The following KIAA1217 variants were observed in gnomAD, a reference collection of about 807,000 sequenced individuals.
The protein encoded by KIAA1217 is KIAA1217, also known as sickle tail protein homolog.
KIAA1217 carries 88 observed loss-of-function variants against 163.9 expected under a neutral mutation model. That is an observed-to-expected ratio of 0.54 (90% confidence interval 0.45 to 0.64). KIAA1217 has a LOEUF of 0.64. Among genes scored for constraint, KIAA1217 ranks in the 30% least tolerant of loss-of-function variants. The pLI is 0.00. For missense variants in KIAA1217, 2,372 were observed against 2,475.0 expected, an observed-to-expected ratio of 0.96 and a Z score of 0.88; for synonymous variants, 903 against 923.1, an observed-to-expected ratio of 0.98 and a Z score of 0.39.
chr10:24,508,454 C>T (rs1404703944), intron 9 of KIAA1217, among the ~76,000 whole-genome samples: 1 of 152,168 alleles, frequency 6.6e-6, no homozygotes, highest in East Asian at 1.9e-4. Flanking sequence ...CCTACTCTGA[C>T]ATCTGTTTAA....
chr10:24,347,488 C>T (rs763035813), intron 2 of KIAA1217, among the ~76,000 whole-genome samples: 11 of 152,256 alleles, frequency 7.2e-5, no homozygotes, highest in African/African-American at 1.2e-4. Context: ...GTATTACAAA[C>T]GTGCCAGCTT....
chr10:24,406,931 T>C (rs556482574), intron 3 of KIAA1217, among the ~76,000 whole-genome samples: 1 of 152,272 alleles, frequency 6.6e-6, no homozygotes, highest in South Asian at 2.1e-4. Flanking sequence ...AACTCTTTCA[T>C]AATAGTTTCA....
intron 8 of KIAA1217, 83 bp downstream of exon 8, chr10:24,495,279 TCC>T: frequency 4.5e-6 from 5 of 1,100,526 alleles, no homozygotes; most frequent in South Asian, 1.4e-5. Flanking sequence ...GTTTAACATT[TCC>T]CTAAGTCACG....
chr10:24,421,074 G>C (rs1233483557), intron 3 of KIAA1217, among the ~76,000 whole-genome samples: 1 of 152,102 alleles, frequency 6.6e-6, no homozygotes, highest in Non-Finnish European at 1.5e-5. Flanking sequence ...GTGTGATCTT[G>C]GCTCGTTGCC....
intron 1 of KIAA1217, among the ~76,000 whole-genome samples, chr10:23,933,072 A>G (rs1843323938): frequency 6.6e-6 from 1 of 152,186 alleles, no homozygotes; most frequent in South Asian, 2.1e-4. Flanking sequence ...GCATCACAAC[A>G]TTGCTGCTGA....
intron 5 of KIAA1217, among the ~76,000 whole-genome samples, chr10:24,454,643 G>C (rs2061630226): frequency 2.0e-5 from 3 of 152,156 alleles, no homozygotes; most frequent in African/African-American, 4.8e-5. Context: ...GGGTCTGATA[G>C]CTTCGTCTAG....
chr10:24,000,403 T>A (rs1241167851), intron 1 of KIAA1217, among the ~76,000 whole-genome samples: 1 of 152,204 alleles, frequency 6.6e-6, no homozygotes, highest in Non-Finnish European at 1.5e-5. Context: ...TTCTCCTTGC[T>A]GCCACCATGT....
intron 1 of KIAA1217, among the ~76,000 whole-genome samples, chr10:23,876,561 A>G (rs775799605): frequency 7.9e-5 from 12 of 151,978 alleles, no homozygotes; most frequent in Non-Finnish European, 1.3e-4. Context: ...GATATAAAGC[A>G]TGATTTATGA....
chr10:24,077,359 G>A (rs1418535433), intron 2 of KIAA1217, among the ~76,000 whole-genome samples: 1 of 151,964 alleles, frequency 6.6e-6, no homozygotes, highest in Non-Finnish European at 1.5e-5. Context: ...CCTCAAACAG[G>A]CCCCAGTGTG....
chr10:24,147,859 A>AAAAAAAAAAAAAAAAAAAG (rs1564755545), intron 2 of KIAA1217, among the ~76,000 whole-genome samples: 4 of 146,022 alleles, frequency 2.7e-5, no homozygotes, highest in African/African-American at 1.0e-4. Context: ...AAAAAAAAAA[A>AAAAAAAAAAAAAAAAAAAG]AAAGAAAGAA....
intron 1 of KIAA1217, among the ~76,000 whole-genome samples, chr10:23,832,034 C>T (rs956732606): frequency 1.3e-5 from 2 of 152,184 alleles, no homozygotes; most frequent in Non-Finnish European, 2.9e-5. Context: ...GGGTATCCTA[C>T]AATTCCATTC....
chr10:24,168,059 A>T (rs2065442041), intron 2 of KIAA1217, among the ~76,000 whole-genome samples: 1 of 152,214 alleles, frequency 6.6e-6, no homozygotes, highest in Non-Finnish European at 1.5e-5. Context: ...CATATGAACC[A>T]TGACCTCTGT....
intron 1 of KIAA1217, among the ~76,000 whole-genome samples, chr10:23,824,365 C>G (rs1029976611): frequency 6.6e-6 from 1 of 151,596 alleles, no homozygotes; most frequent in African/African-American, 2.4e-5. Flanking sequence ...CGCGGTGGCT[C>G]ACGCCTGTAA....
intron 1 of KIAA1217, among the ~76,000 whole-genome samples, chr10:23,973,766 A>C (rs1403084520): frequency 1.3e-5 from 2 of 152,136 alleles, no homozygotes; most frequent in African/African-American, 4.8e-5. Context: ...CTCTCAAATC[A>C]GATTTCACAT....
At chr10:23,972,429 G>C (rs556242218) in intron 1 of KIAA1217, among the ~76,000 whole-genome samples, 1 of 151,874 alleles carries the variant, frequency 6.6e-6, no homozygotes, top group South Asian at 2.1e-4. Context: ...ATACTATGCA[G>C]CTGTAAAAAC....
intron 1 of KIAA1217, among the ~76,000 whole-genome samples, chr10:23,791,835 G>T (rs1835963330): frequency 6.6e-6 from 1 of 152,146 alleles, no homozygotes; most frequent in Admixed American, 6.5e-5. Flanking sequence ...GCCTACATCA[G>T]CATTACTGTT....
chr10:23,843,423 T>A (rs1167362732), intron 1 of KIAA1217, among the ~76,000 whole-genome samples: 2 of 152,166 alleles, frequency 1.3e-5, no homozygotes, highest in Admixed American at 6.6e-5. Context: ...AGAGATGACT[T>A]AAAAATCAAT....
chr10:24,250,112 G>T (rs1351464803), intron 2 of KIAA1217, among the ~76,000 whole-genome samples: 3 of 152,184 alleles, frequency 2.0e-5, no homozygotes, highest in African/African-American at 7.2e-5. Context: ...AGGGAGAGGT[G>T]TAACTCACCC....
At chr10:23,916,786 A>G (rs1842646720) in intron 1 of KIAA1217, among the ~76,000 whole-genome samples, 1 of 151,940 alleles carries the variant, frequency 6.6e-6, no homozygotes, top group South Asian at 2.1e-4. Context: ...ACCCTGGCTA[A>G]TATGGTGAAG....
Sources: gnomAD v4.1 joint callset for allele counts (sites outside exome capture counted in the v4.1 genomes callset) on GRCh38, gnomAD v4.1.1 for gene constraint, MANE v1.5 for transcripts, NCBI Gene and HGNC (gene_info 2026-07-23, HGNC 2026-07-21) for gene names.